The following MET variants were observed in gnomAD, a reference collection of about 807,000 sequenced individuals.
MET encodes MET proto-oncogene, receptor tyrosine kinase, also known as hepatocyte growth factor receptor.
Under a neutral mutation model 133.1 loss-of-function variants are expected in MET, and 48 were observed. The observed-to-expected ratio is 0.36, with a 90% confidence interval of 0.29 to 0.46. MET has a LOEUF of 0.46. MET is among the 20% of genes least tolerant of loss of function. The pLI is 1.00. For synonymous variants in MET, 628 were observed against 616.5 expected, an observed-to-expected ratio of 1.02 and a Z score of -0.28; for missense variants, 1,442 against 1,695.9, an observed-to-expected ratio of 0.85 and a Z score of 2.63.
rs1246723457 is a variant in MET at position 116,797,001 on chromosome 7, C to T, written c.*877C>T. 5.5e-6 allele frequency: 1 copy of T among 182,610 alleles called. No homozygotes were observed. The highest frequency in any genetic ancestry group is 1.2e-5 in the Non-Finnish European group (1 of 85,638). 11.3% of individuals were successfully genotyped at this position (182,610 alleles called of 1,614,324 possible). A position where few individuals can be genotyped will look rare whatever the true frequency, so the allele number is the denominator to read the frequency against. On this transcript the variant is annotated 3_prime_UTR_variant, in exon 21 of 21. Transcript: ENST00000397752. ...GTCAAAGTTTCAAAATAGCATCACA[C>T]AAAACATGTTTATAAATGAACAGGA...
At chr7:116,695,592 C>T (rs1796934010) in intron 1 of MET, among the ~76,000 whole-genome samples, 1 of 152,170 alleles carries the variant, frequency 6.6e-6, no homozygotes, top group Admixed American at 6.5e-5. Context: ...TGCATGCTCC[C>T]ACCTCGCTTT....
At chr7:116,763,716 G>A (rs965066206) in intron 11 of MET, among the ~76,000 whole-genome samples, 4 of 152,172 alleles carry the variant, frequency 2.6e-5, no homozygotes, top group Non-Finnish European at 5.9e-5. Flanking sequence ...ATTTGTAAAT[G>A]GAACTAGATA....
At chr7:116,765,300 A>AAC (rs1191935030) in intron 11 of MET, among the ~76,000 whole-genome samples, 1 of 151,786 alleles carries the variant, frequency 6.6e-6, no homozygotes, top group Non-Finnish European at 1.5e-5. Context: ...AAAAAAAAAA[A>AAC]AAAAAAAACC....
chr7:116,674,963 A>G (rs1383141686), intron 1 of MET, among the ~76,000 whole-genome samples: 2 of 152,232 alleles, frequency 1.3e-5, no homozygotes, highest in African/African-American at 4.8e-5. Context: ...AGGGGAGAAA[A>G]TGTATGTAGA....
At chr7:116,775,797 G>A (rs1431136569) in intron 15 of MET, among the ~76,000 whole-genome samples, 2 of 152,120 alleles carry the variant, frequency 1.3e-5, no homozygotes, top group African/African-American at 4.8e-5. Context: ...TTTACCCTGA[G>A]AACAGTGACA....
At chr7:116,739,144 A>C (rs190119214) in intron 3 of MET, among the ~76,000 whole-genome samples, 12 of 152,356 alleles carry the variant, frequency 7.9e-5, no homozygotes, top group Non-Finnish European at 1.2e-4. Flanking sequence ...ATGTAAGATA[A>C]TCATTTGGAT....
intron 6 of MET, among the ~76,000 whole-genome samples, chr7:116,756,421 A>G (rs1794179549): frequency 6.6e-6 from 1 of 152,206 alleles, no homozygotes; most frequent in African/African-American, 2.4e-5. Context: ...GAATCTATCC[A>G]TTTTACTGAG....
chr7:116,769,837 G>A (rs571566952), intron 12 of MET, 46 bp downstream of exon 12: 3 of 1,612,398 alleles, frequency 1.9e-6, no homozygotes, highest in East Asian at 2.2e-5. Context: ...GGAAGCCAGT[G>A]TAATTATGTT....
intron 11 of MET, 39 bp from the exon 12 acceptor site, chr7:116,769,606 T>G (rs775150626): frequency 6.2e-7 from 1 of 1,605,836 alleles, no homozygotes; most frequent in Non-Finnish European, 8.5e-7. Context: ...TGCAGAACTG[T>G]GAAGTGTTAA....
intron 3 of MET, among the ~76,000 whole-genome samples, chr7:116,738,993 T>C (rs1189878919): frequency 6.6e-6 from 1 of 152,178 alleles, no homozygotes; most frequent in Non-Finnish European, 1.5e-5. Context: ...ATTAGAGATG[T>C]TGGGCAATTT....
In MET at chr7:116,759,483, T is replaced by C. The variant is rs1794313226; in HGVS notation, c.2357T>C (p.Phe786Ser). 1.2e-6 allele frequency: 2 copies of C among 1,613,104 alleles called. No homozygotes were observed. The highest frequency in any genetic ancestry group is 1.1e-5 in the South Asian group (1 of 90,832). Residue 786 changes from phenylalanine to serine, a missense_variant, in exon 10 of 21, where the codon TTT becomes TCT. Coordinates refer to ENST00000397752, the MANE Select transcript of MET (RefSeq NM_000245.4). Reference sequence around the variant, plus strand: ...AATGTGCATGAAGCAGGAAGGAACTTTACAGTGGTAAGTCCTTTGAGCAAT... The same window carrying C: ...AATGTGCATGAAGCAGGAAGGAACTCTACAGTGGTAAGTCCTTTGAGCAAT... Reference protein sequence around the residue: ...VINVHEAGRNFTVACQHRSNS... With the variant: ...VINVHEAGRNSTVACQHRSNS...
At chr7:116,767,993 T>TGC (rs1794689837) in intron 11 of MET, among the ~76,000 whole-genome samples, 1 of 150,722 alleles carries the variant, frequency 6.6e-6, no homozygotes, top group East Asian at 1.9e-4. Context: ...TGTGTGTGTG[T>TGC]GTGTGTGTGT....
intron 11 of MET, among the ~76,000 whole-genome samples, chr7:116,766,514 G>A (rs1290445484): frequency 6.6e-6 from 1 of 152,172 alleles, no homozygotes; most frequent in Non-Finnish European, 1.5e-5. Flanking sequence ...CCAGCCAGAT[G>A]TTGTCCTTCT....
chr7:116,738,841 T>C lies in MET; in HGVS notation c.1393-1109T>C, dbSNP rs577758019. The stretch of plus-strand genomic sequence containing the variant: ...AGTACAAAGCAGTTAATTATTGCTG[T>C]AATTTTCATTCCCATTATACGAATG... On this transcript the variant is annotated intron_variant, in intron 3 of 20. Coordinates refer to ENST00000397752, the MANE Select transcript of MET (RefSeq NM_000245.4). Among the ~76,000 whole-genome samples the C allele has an allele frequency of 8.3e-4, 126 of 152,346 alleles. 4 individuals are homozygous for C. In the South Asian group the frequency reaches 0.025, roughly 30 times the overall value.
At chr7:116,714,751 A>G (rs1792128150) in intron 2 of MET, among the ~76,000 whole-genome samples, 2 of 150,954 alleles carry the variant, frequency 1.3e-5, no homozygotes, top group African/African-American at 2.4e-5. Flanking sequence ...GCACGCACAC[A>G]CACACACACA....
At chr7:116,733,206 C>T (rs1293167747) in intron 3 of MET, among the ~76,000 whole-genome samples, 1 of 151,808 alleles carries the variant, frequency 6.6e-6, no homozygotes, top group Non-Finnish European at 1.5e-5. Context: ...TAGTATTGTT[C>T]TGTGTTTATA....
chr7:116,733,686 A>G (rs576568770), intron 3 of MET, among the ~76,000 whole-genome samples: 11 of 152,306 alleles, frequency 7.2e-5, no homozygotes, highest in Admixed American at 5.9e-4. Flanking sequence ...GGTAAAAAAA[A>G]TGCTTATTTT....
At position 116,783,296 on chromosome 7, in the gene MET, T is replaced by C. The variant is rs1405684941; in HGVS notation, c.3633-8T>C. On this transcript the variant is annotated splice_region_variant and splice_polypyrimidine_tract_variant and intron_variant, in intron 18 of 20. Coordinates refer to ENST00000397752, the MANE Select transcript of MET (RefSeq NM_000245.4). ...AGCCACGGGTAATAATTTTTGTCCT[T>C]TCTGTAGGCTGGATGAAAAATTCAC... The C allele has an allele frequency of 1.9e-6, 3 of 1,614,006 alleles. No individual in the cohort carries two copies. The highest frequency in any genetic ancestry group is 2.5e-6 in the Non-Finnish European group (3 of 1,180,004).
intron 10 of MET, 51 bp downstream of exon 10, chr7:116,759,541 A>G: frequency 6.3e-7 from 1 of 1,586,686 alleles, no homozygotes; most frequent in Non-Finnish European, 8.6e-7. Flanking sequence ...CTTTGCCTCT[A>G]ACCATGTGGC....
Sources: gnomAD v4.1 joint callset for allele counts (sites outside exome capture counted in the v4.1 genomes callset) on GRCh38, gnomAD v4.1.1 for gene constraint, MANE v1.5 for transcripts, NCBI Gene and HGNC (gene_info 2026-07-23, HGNC 2026-07-21) for gene names.